Variants in SLC2A9 observed in about 807,000 individuals in gnomAD.
SLC2A9 encodes solute carrier family 2, facilitated glucose transporter member 9.
In SLC2A9, 39 loss-of-function variants were observed where a neutral mutation model predicts 50.6. That is an observed-to-expected ratio of 0.77 (90% CI 0.60 to 1.01). SLC2A9 has a LOEUF of 1.01. SLC2A9 is among the 50% of genes least tolerant of loss of function. SLC2A9 has a pLI of 0.00. For synonymous variants in SLC2A9, 324 were observed against 276.9 expected, an observed-to-expected ratio of 1.17 and a Z score of -1.69; for missense variants, 686 against 677.6, an observed-to-expected ratio of 1.01 and a Z score of -0.14.
chr4:9,905,128 C>A (rs1251629925), intron 8 of SLC2A9, among the ~76,000 whole-genome samples: 1 of 152,216 alleles, frequency 6.6e-6, no homozygotes, highest in Non-Finnish European at 1.5e-5. Flanking sequence ...ACAGCTGGCA[C>A]AGTATGAGTG....
chr4:9,852,433 T>A (rs1730113012), intron 10 of SLC2A9, among the ~76,000 whole-genome samples: 2 of 151,584 alleles, frequency 1.3e-5, no homozygotes, highest in African/African-American at 4.8e-5. Context: ...TTTGTATTTT[T>A]AGTAGAGACG....
intron 2 of SLC2A9, among the ~76,000 whole-genome samples, chr4:10,017,406 TG>T (rs1417910316): frequency 1.3e-5 from 2 of 152,228 alleles, no homozygotes; most frequent in African/African-American, 4.8e-5. Flanking sequence ...ATCCCCATCT[TG>T]GAATGACGTC....
chr4:10,008,534 G>A (rs1409405143), intron 2 of SLC2A9, among the ~76,000 whole-genome samples: 2 of 152,252 alleles, frequency 1.3e-5, no homozygotes, highest in South Asian at 2.1e-4. Flanking sequence ...GCTCCACACT[G>A]CTGTTAAACA....
At chr4:9,811,229 G>C (rs1722851560) in intron 3 of SLC2A9, among the ~76,000 whole-genome samples, 1 of 152,190 alleles carries the variant, frequency 6.6e-6, no homozygotes, top group Admixed American at 6.5e-5. Context: ...TTGCAAAGCT[G>C]GCCGTAGTAA....
chr4:9,816,832 C>T (rs1048401346), intron 3 of SLC2A9, among the ~76,000 whole-genome samples: 8 of 122,342 alleles, frequency 6.5e-5, no homozygotes, highest in Admixed American at 1.6e-4. Flanking sequence ...AAAAAAAAAA[C>T]GATGACACGC....
intron 3 of SLC2A9, among the ~76,000 whole-genome samples, chr4:9,987,800 C>G (rs1756996154): frequency 6.6e-6 from 1 of 151,766 alleles, no homozygotes. Context: ...CGCACTCCAA[C>G]CTGGGTGACA....
intron 5 of SLC2A9, among the ~76,000 whole-genome samples, chr4:9,963,944 A>G (rs994704972): frequency 6.6e-6 from 1 of 152,098 alleles, no homozygotes; most frequent in Non-Finnish European, 1.5e-5. Context: ...GTTAATTCCA[A>G]TGTGCTGTCT....
intron 6 of SLC2A9, among the ~76,000 whole-genome samples, chr4:9,926,016 A>G (rs1417551931): frequency 6.6e-6 from 1 of 152,060 alleles, no homozygotes; most frequent in Non-Finnish European, 1.5e-5. Context: ...AGCAGATGAG[A>G]TGGAGCCCGC....
intron 10 of SLC2A9, among the ~76,000 whole-genome samples, chr4:9,863,557 C>T (rs1176310422): frequency 1.3e-5 from 2 of 152,090 alleles, no homozygotes; most frequent in Non-Finnish European, 2.9e-5. Context: ...CATTAGTTTC[C>T]TCATTAAGAC....
At position 9,826,332 on chromosome 4, in the gene SLC2A9, G is replaced by C. The variant is rs957569574; in HGVS notation, c.*65C>G. 9.5e-5 allele frequency: 146 copies of C among 1,537,450 alleles called. No individual in the cohort carries two copies. The highest frequency in any genetic ancestry group is 1.3e-4 in the Non-Finnish European group (139 of 1,110,794). On this transcript the variant is annotated 3_prime_UTR_variant, in exon 12 of 12. Coordinates refer to ENST00000264784, the MANE Select transcript of SLC2A9 (RefSeq NM_020041.3). ...GGGTAAATTTTAAGTTTCCTGAAAA[G>C]TGAGATCATCCATGTAGACAATCCT...
At chr4:9,806,664 C>T (rs970008265) in intron 3 of SLC2A9, among the ~76,000 whole-genome samples, 1 of 152,114 alleles carries the variant, frequency 6.6e-6, no homozygotes, top group Admixed American at 6.6e-5. Context: ...GGAATAAAGG[C>T]TGTGTGCATG....
chr4:9,879,854 C>T (rs969908823), intron 10 of SLC2A9: 1 of 985,450 alleles, frequency 1.0e-6, no homozygotes, highest in Non-Finnish European at 1.2e-6. Flanking sequence ...GACTTCCCTG[C>T]CACTGCCTTG....
chr4:10,001,707 C>A (rs1343756183), intron 2 of SLC2A9, among the ~76,000 whole-genome samples: 1 of 152,200 alleles, frequency 6.6e-6, no homozygotes, highest in Non-Finnish European at 1.5e-5. Context: ...TTCAGAATGG[C>A]CACTATGTTC....
intron 10 of SLC2A9, among the ~76,000 whole-genome samples, chr4:9,876,458 G>A (rs541554698): frequency 5.9e-5 from 9 of 152,300 alleles, no homozygotes; most frequent in Admixed American, 5.2e-4. Flanking sequence ...GCCAGGTATG[G>A]TGGCATGCAC....
chr4:9,800,591 A>G (rs1721263557), intron 3 of SLC2A9, among the ~76,000 whole-genome samples: 1 of 152,202 alleles, frequency 6.6e-6, no homozygotes, highest in African/African-American at 2.4e-5. Flanking sequence ...TAATCCATAC[A>G]CTTTGTGGTA....
intron 3 of SLC2A9, among the ~76,000 whole-genome samples, chr4:9,816,051 T>C (rs1421977554): frequency 6.6e-6 from 1 of 152,050 alleles, no homozygotes; most frequent in South Asian, 2.1e-4. Flanking sequence ...ACGCCTGTAA[T>C]CCCAGCTACT....
At chr4:9,964,864 C>A (rs1292350760) in intron 5 of SLC2A9, among the ~76,000 whole-genome samples, 2 of 152,146 alleles carry the variant, frequency 1.3e-5, no homozygotes, top group Non-Finnish European at 2.9e-5. Flanking sequence ...TTGGTCCTAC[C>A]ACAGAGAAAT....
At chr4:9,987,062 T>C (rs1267967363) in intron 3 of SLC2A9, among the ~76,000 whole-genome samples, 1 of 152,228 alleles carries the variant, frequency 6.6e-6, no homozygotes, top group Non-Finnish European at 1.5e-5. Context: ...GGTACTCTTA[T>C]AATCTCTATT....
At position 9,853,278 on chromosome 4, in the gene SLC2A9, G is replaced by A. The variant is rs11944114; in HGVS notation, c.1292-18270C>T. On this transcript the variant is annotated intron_variant, in intron 10 of 11. Coordinates refer to ENST00000264784, the MANE Select transcript of SLC2A9 (RefSeq NM_020041.3). Reference sequence around the variant, plus strand: ...ACCCATCTCACATTCAGTGACACCCGTAGACTCAAAGTAAAAGGATAGAGA... The same window carrying A: ...ACCCATCTCACATTCAGTGACACCCATAGACTCAAAGTAAAAGGATAGAGA... 9.1e-3 allele frequency among the ~76,000 whole-genome samples: 1,383 copies of A among 151,852 alleles called. 20 individuals carry two copies. The highest frequency in any genetic ancestry group is 0.032 in the African/African-American group (1,319 of 41,360).
Sources: allele counts gnomAD v4.1 joint callset (sites outside exome capture counted in the v4.1 genomes callset), GRCh38; gene constraint gnomAD v4.1.1; transcripts MANE v1.5; gene names NCBI Gene and HGNC (gene_info 2026-07-23, HGNC 2026-07-21).